DCP2: variants seen among roughly 807,000 people sequenced by gnomAD.
DCP2 encodes the protein decapping mRNA 2, also known as m7GpppN-mRNA hydrolase.
Under a neutral mutation model 56.1 loss-of-function variants are expected in DCP2, and 30 were observed. That is an observed-to-expected ratio of 0.53 (90% CI 0.40 to 0.73). The LOEUF is 0.73. DCP2 is among the 30% of genes least tolerant of loss of function. DCP2 has a pLI of 0.00. For synonymous variants in DCP2, 197 were observed against 163.3 expected, an observed-to-expected ratio of 1.21 and a Z score of -1.57; for missense variants, 533 against 502.7, an observed-to-expected ratio of 1.06 and a Z score of -0.58.
rs1485978345 is a variant in DCP2 at position 113,022,164 on chromosome 5, CTG to C, written c.*8682_*8683del. On this transcript the variant is annotated 3_prime_UTR_variant, in exon 11 of 11. Transcript: ENST00000389063. ...TGTTTGTAAAATATTATAAATGTCT[CTG>C]TATAAATAAATGGAGTTTTTAAAAA... 3 of 152,518 alleles carry C rather than the reference CTG, an allele frequency of 2.0e-5. No individual in the cohort carries two copies. Among genetic ancestry groups the C allele is most frequent in the Non-Finnish European group, 2.9e-5 (2 of 68,024 alleles). The allele number at this position is 152,518 out of a possible 1,614,324, so 9.4% of individuals were successfully genotyped here.
At chr5:113,005,312 TCAA>T (rs1474275852) in intron 8 of DCP2, among the ~76,000 whole-genome samples, 2 of 152,106 alleles carry the variant, frequency 1.3e-5, no homozygotes, top group Admixed American at 6.5e-5. Flanking sequence ...TTCTTAGAAC[TCAA>T]CAACAACACA....
chr5:113,012,318 A>G (rs1749709141), intron 10 of DCP2, among the ~76,000 whole-genome samples: 2 of 152,160 alleles, frequency 1.3e-5, no homozygotes, highest in African/African-American at 4.8e-5. Flanking sequence ...TGTGATTATC[A>G]CTGTACTCCA....
chr5:113,008,953 CCT>C (rs1301676123), intron 9 of DCP2, among the ~76,000 whole-genome samples: 6 of 152,090 alleles, frequency 3.9e-5, no homozygotes, highest in Non-Finnish European at 8.8e-5. Flanking sequence ...AAGTGATTCC[CCT>C]GTCTCAGCCT....
rs1327618710 is a variant in DCP2 at position 113,016,926 on chromosome 5, A to G, written c.*3442A>G. The G allele has an allele frequency of 7.1e-6, 1 of 140,898 alleles. No individual in the cohort carries two copies. 8.7% of individuals were successfully genotyped at this position (140,898 alleles called of 1,614,324 possible). ...GTGCAATTTCGGCTCACCGCAACCT[A>G]CGCCTCCCGGGTTCAAGTGATTCTC... On this transcript the variant is annotated 3_prime_UTR_variant, in exon 11 of 11. Transcript: ENST00000389063.
At chr5:112,992,078 G>T (rs1413432142) in intron 2 of DCP2, 43 bp from the exon 3 acceptor site, 7 of 1,603,250 alleles carry the variant, frequency 4.4e-6, no homozygotes, top group African/African-American at 2.7e-5. Flanking sequence ...AATTTCTCAA[G>T]CCATATTAAA....
chr5:112,983,463 ACTC>A (rs931520501), intron 1 of DCP2, among the ~76,000 whole-genome samples: 3 of 152,028 alleles, frequency 2.0e-5, no homozygotes, highest in African/African-American at 7.3e-5. Flanking sequence ...CTGAATTTGA[ACTC>A]CTTGGCTTTA....
At chr5:113,005,572 C>T (rs1435536001) in intron 8 of DCP2, among the ~76,000 whole-genome samples, 1 of 152,178 alleles carries the variant, frequency 6.6e-6, no homozygotes, top group Non-Finnish European at 1.5e-5. Context: ...TAAAATGGTG[C>T]AACCGCTGTG....
chr5:113,011,156 G>A (rs1749665808), intron 10 of DCP2, among the ~76,000 whole-genome samples: 1 of 152,176 alleles, frequency 6.6e-6, no homozygotes, highest in Non-Finnish European at 1.5e-5. Context: ...ATCTATATAA[G>A]GGGTGCACTG....
intron 7 of DCP2, among the ~76,000 whole-genome samples, chr5:113,003,547 G>C (rs902395314): frequency 2.6e-5 from 4 of 152,114 alleles, no homozygotes; most frequent in Admixed American, 2.0e-4. Flanking sequence ...CTGCACTCCA[G>C]CCTGGATGAC....
chr5:112,992,625 A>G, intron 3 of DCP2, 47 bp from the exon 4 acceptor site: 4 of 1,334,428 alleles, frequency 3.0e-6, no homozygotes, highest in South Asian at 1.3e-5. Context: ...AGAAAGGAGC[A>G]TGGAAAAGGA....
Position 113,007,957 on chromosome 5 carries a change from A to G in DCP2, c.962A>G (p.Asn321Ser), listed in dbSNP as rs1749516915. ...LKGKNQSMRG[N>S]GRKQYQDSPN... is the part of the protein sequence containing the mutation. ...AAACAGAATCAAAGTATGAGGGGAA[A>G]TGGCAGAAAACAGTATCAAGATTCA... is the stretch of plus-strand genomic sequence containing the variant. The change falls in exon 9 of 11, where the codon AAT (asparagine) becomes AGT (serine). Residue 321 changes from asparagine (N) to serine (S), a missense_variant. This residue lies in a region of DCP2 where 392 missense variants were observed against 346.6 expected (regional missense o/e 1.13). Transcript: ENST00000389063. 10 of 1,613,834 alleles carry G rather than the reference A, an allele frequency of 6.2e-6. No individual in the cohort carries two copies. The highest frequency in any genetic ancestry group is 7.6e-6 in the Non-Finnish European group (9 of 1,179,850).
chr5:113,006,642 TTCC>T (rs755113777), intron 8 of DCP2, among the ~76,000 whole-genome samples: 2 of 151,788 alleles, frequency 1.3e-5, no homozygotes, highest in Admixed American at 6.5e-5. Flanking sequence ...ATTTTAGAAG[TTCC>T]TCCTATTTAT....
chr5:113,015,560 G>C lies in DCP2; in HGVS notation c.*2076G>C, dbSNP rs189005179. 3 of 152,688 alleles carry C rather than the reference G, an allele frequency of 2.0e-5. No individual in the cohort carries two copies. Among genetic ancestry groups the C allele is most frequent in the Non-Finnish European group, 1.5e-5 (1 of 68,010 alleles). The allele number at this position is 152,688 out of a possible 1,614,324, so 9.5% of individuals were successfully genotyped here. On this transcript the variant is annotated 3_prime_UTR_variant, in exon 11 of 11. Coordinates refer to ENST00000389063, the MANE Select transcript of DCP2 (RefSeq NM_152624.6). ...TTAACTATGGTTAAATGTTACTGCT[G>C]TTGCGCTGCTTTATTTAATGCACTG...
chr5:112,978,616 T>A (rs1373088780), intron 1 of DCP2, among the ~76,000 whole-genome samples: 1 of 152,124 alleles, frequency 6.6e-6, no homozygotes, highest in Admixed American at 6.5e-5. Context: ...GATGGTAGAT[T>A]TATAATTTTT....
rs1382982276 is a variant in DCP2 at position 113,016,799 on chromosome 5, C to G, written c.*3315C>G. 6.7e-6 allele frequency: 1 copy of G among 149,460 alleles called. No individual in the cohort carries two copies. Among genetic ancestry groups the G allele is most frequent in the Non-Finnish European group, 1.5e-5 (1 of 67,610 alleles). The allele number at this position is 149,460 out of a possible 1,614,324, so 9.3% of individuals were successfully genotyped here. Reference sequence around the variant, plus strand: ...AGCAAAGTTAATTATAAAAATTAGACATTTTGCCAAGTTAGTTTTCTTACC... The same window carrying G: ...AGCAAAGTTAATTATAAAAATTAGAGATTTTGCCAAGTTAGTTTTCTTACC... On this transcript the variant is annotated 3_prime_UTR_variant, in exon 11 of 11. Coordinates refer to ENST00000389063, the MANE Select transcript of DCP2 (RefSeq NM_152624.6).
intron 1 of DCP2, among the ~76,000 whole-genome samples, chr5:112,978,035 T>A (rs1378496842): frequency 3.3e-5 from 5 of 152,154 alleles, no homozygotes; most frequent in Non-Finnish European, 7.4e-5. Context: ...TGGTGTGCAG[T>A]GGTGCGGTCT....
Position 113,016,878 on chromosome 5 carries a change from G to A in DCP2, c.*3394G>A, listed in dbSNP as rs1419745624. 8.6e-6 allele frequency: 1 copy of A among 116,270 alleles called. No individual in the cohort carries two copies. The highest frequency in any genetic ancestry group is 3.4e-5 in the African/African-American group (1 of 29,198). 7.2% of individuals were successfully genotyped at this position (116,270 alleles called of 1,614,324 possible). On this transcript the variant is annotated 3_prime_UTR_variant, in exon 11 of 11. Transcript: ENST00000389063. ...TTTTTTGAGATGGAGTTTCACTCCT[G>A]TTGCCCAGGCTGGAGTGCAATGGTG...
intron 1 of DCP2, among the ~76,000 whole-genome samples, chr5:112,985,135 CT>C (rs1748216862): frequency 6.6e-6 from 1 of 152,170 alleles, no homozygotes; most frequent in African/African-American, 2.4e-5. Flanking sequence ...AATGACTGCT[CT>C]GAATTACAAC....
At chr5:112,985,808 T>G in intron 1 of DCP2, 27 bp from the exon 2 acceptor site, 5 of 1,589,304 alleles carry the variant, frequency 3.1e-6, no homozygotes, top group Non-Finnish European at 3.4e-6. Context: ...GTAAATGTAA[T>G]TTTTGTATGT....
Sources: allele counts gnomAD v4.1 joint callset (sites outside exome capture counted in the v4.1 genomes callset), GRCh38; gene constraint gnomAD v4.1.1; regional missense constraint gnomAD v4.1.1; transcripts MANE v1.5; gene names NCBI Gene and HGNC (gene_info 2026-07-23, HGNC 2026-07-21).